The following FBXO42 variants were observed in gnomAD, a reference collection of about 807,000 sequenced individuals.
The protein encoded by FBXO42 is F-box only protein 42.
In FBXO42, 12 loss-of-function variants were observed where a neutral mutation model predicts 71.7. The ratio of observed to expected loss-of-function variants is 0.17; its 90% CI spans 0.11 to 0.27. The LOEUF is 0.27. Among genes scored for constraint, FBXO42 ranks in the 10% least tolerant of loss-of-function variants. The pLI is 1.00. For synonymous variants in FBXO42, 325 were observed against 327.5 expected, an observed-to-expected ratio of 0.99 and a Z score of 0.08; for missense variants, 707 against 911.9, an observed-to-expected ratio of 0.78 and a Z score of 2.89.
At chr1:16,331,337 C>T (rs1480335910) in intron 1 of FBXO42, among the ~76,000 whole-genome samples, 2 of 151,486 alleles carry the variant, frequency 1.3e-5, no homozygotes, top group Admixed American at 6.6e-5. Flanking sequence ...GGCGTGAACC[C>T]GGGGGAGGCA....
Position 16,271,992 on chromosome 1 carries a change from A to G in FBXO42, c.503-15233T>C, listed in dbSNP as rs1337070811. ...CGTTTCTACCAAAAAAAAAAAAAAGAAAACAATACAAAAATAGCTGGGCGT... is the reference window on the plus strand; with the variant it reads ...CGTTTCTACCAAAAAAAAAAAAAAGGAAACAATACAAAAATAGCTGGGCGT... On this transcript the variant is annotated intron_variant, in intron 4 of 9. Coordinates refer to ENST00000375592, the MANE Select transcript of FBXO42 (RefSeq NM_018994.3). Among the ~76,000 whole-genome samples, 38 of 150,070 alleles carry G rather than the reference A, an allele frequency of 2.5e-4. No homozygotes were observed. In the East Asian group the frequency reaches 7.5e-3, roughly 30 times the overall value.
At chr1:16,292,057 G>T (rs987699880) in intron 4 of FBXO42, among the ~76,000 whole-genome samples, 1 of 152,122 alleles carries the variant, frequency 6.6e-6, no homozygotes, top group Non-Finnish European at 1.5e-5. Flanking sequence ...GCCTCTAATT[G>T]CAGATTAGGA....
rs1004953806 is a variant in FBXO42 at position 16,301,689 on chromosome 1, A to C, written c.367+4114T>G. On this transcript the variant is annotated intron_variant, in intron 3 of 9. Coordinates refer to ENST00000375592, the MANE Select transcript of FBXO42 (RefSeq NM_018994.3). Reference sequence around the variant, plus strand: ...CCATCTCAAAAAAAAAAAAACAACAAAAAAAAAAGAAACGGTACAAGAATG... The same window carrying C: ...CCATCTCAAAAAAAAAAAAACAACACAAAAAAAAGAAACGGTACAAGAATG... Among the ~76,000 whole-genome samples, 13 of 148,406 alleles carry C rather than the reference A, an allele frequency of 8.8e-5. No individual in the cohort carries two copies. The East Asian group carries it at 1.4e-3, about 16-fold the overall frequency.
At position 16,287,254 on chromosome 1, in the gene FBXO42, C is replaced by T. The variant is rs567820735; in HGVS notation, c.502+7529G>A. On this transcript the variant is annotated intron_variant, in intron 4 of 9. Transcript: ENST00000375592. ...TATTCTCTGTTTGAAACATTCGTTTCTCAGATACCCACATGGCTCACTTCT... is the reference window on the plus strand; with the variant it reads ...TATTCTCTGTTTGAAACATTCGTTTTTCAGATACCCACATGGCTCACTTCT... Among the ~76,000 whole-genome samples, 5 of 152,340 alleles carry T rather than the reference C, an allele frequency of 3.3e-5. No individual in the cohort carries two copies. The South Asian group carries it at 8.3e-4, about 25-fold the overall frequency.
chr1:16,305,517 T>C (rs1463327151), intron 3 of FBXO42, among the ~76,000 whole-genome samples: 1 of 152,110 alleles, frequency 6.6e-6, no homozygotes, highest in Non-Finnish European at 1.5e-5. Context: ...AGTTCAAGAC[T>C]AGACTGGGCA....
chr1:16,266,633 T>C (rs970778055), intron 4 of FBXO42, among the ~76,000 whole-genome samples: 3 of 152,186 alleles, frequency 2.0e-5, no homozygotes, highest in African/African-American at 7.2e-5. Flanking sequence ...TTTGTGGTAG[T>C]GAGGAGCCTC....
chr1:16,302,383 G>A (rs547983692), intron 3 of FBXO42, among the ~76,000 whole-genome samples: 1 of 152,158 alleles, frequency 6.6e-6, no homozygotes, highest in South Asian at 2.1e-4. Context: ...AAAGGAAAGA[G>A]GTTTAACTGA....
At position 16,315,342 on chromosome 1, in the gene FBXO42, A is replaced by G; in HGVS notation, c.77T>C (p.Met26Thr). The change falls in exon 2 of 10, where the codon ATG becomes ACG. Residue 26 changes from methionine (M) to threonine (T), a missense_variant. Physicochemically the swap from Met to Thr is moderately conservative, Grantham distance 81. This residue lies in a region of FBXO42 where 188 missense variants were observed against 230.5 expected (regional missense o/e 0.82). Coordinates refer to ENST00000375592, the MANE Select transcript of FBXO42 (RefSeq NM_018994.3). ...DQEETVLEGTMDQDEEPHPVL... is the reference protein window; with the variant it reads ...DQEETVLEGTTDQDEEPHPVL... ...TGGGTGGGGCTCCTCATCTTGATCC[A>G]TTGTCCCTTCCAGCACAGTTTCTTC... 6.2e-7 allele frequency: 1 copy of G among 1,614,080 alleles called. No individual in the cohort carries two copies. Among genetic ancestry groups the G allele is most frequent in the South Asian group, 1.1e-5 (1 of 91,082 alleles).
intron 4 of FBXO42, 52 bp downstream of exon 4, chr1:16,294,731 T>A (rs972194834): frequency 6.3e-7 from 1 of 1,592,550 alleles, no homozygotes; most frequent in Non-Finnish European, 8.6e-7. Flanking sequence ...AGAGTTTCCA[T>A]GCCAAGGGAG....
In FBXO42 at chr1:16,296,661, A is replaced by C. The variant is rs979124238; in HGVS notation, c.368-1744T>G. Among the ~76,000 whole-genome samples, 13 of 151,754 alleles carry C rather than the reference A, an allele frequency of 8.6e-5. No individual in the cohort carries two copies. In the East Asian group the frequency reaches 1.5e-3, roughly 18 times the overall value. ...CAAGACTCCATCTCAAAAAAAAAAA[A>C]AAAAAAACAAAAACAAAAAACACCA... On this transcript the variant is annotated intron_variant, in intron 3 of 9. Coordinates refer to ENST00000375592, the MANE Select transcript of FBXO42 (RefSeq NM_018994.3).
chr1:16,344,323 ATTT>A (rs143852944), intron 1 of FBXO42, among the ~76,000 whole-genome samples: 40 of 138,008 alleles, frequency 2.9e-4, no homozygotes, highest in Admixed American at 3.7e-4. Context: ...AATATATATA[ATTT>A]TTTTTTTTTT....
intron 4 of FBXO42, among the ~76,000 whole-genome samples, chr1:16,282,574 G>A (rs2081976460): frequency 6.6e-6 from 1 of 151,796 alleles, no homozygotes; most frequent in Non-Finnish European, 1.5e-5. Context: ...ACCAGGTGCA[G>A]TGGCTCATGC....
At chr1:16,335,209 T>C (rs915348499) in intron 1 of FBXO42, among the ~76,000 whole-genome samples, 1 of 152,056 alleles carries the variant, frequency 6.6e-6, no homozygotes, top group Non-Finnish European at 1.5e-5. Flanking sequence ...GGGAGGACTG[T>C]TTGAGGCCAG....
At chr1:16,309,057 CTTTTTTTTTTTTTT>C (rs58594138) in intron 2 of FBXO42, among the ~76,000 whole-genome samples, 2 of 38,690 alleles carry the variant, frequency 5.2e-5, no homozygotes, top group Non-Finnish European at 8.5e-5. Context: ...GACCCCATCT[CTTTTTTTTTTTTTT>C]TTTTTTTTTT....
chr1:16,296,664 A>AAC (rs2082133595), intron 3 of FBXO42, among the ~76,000 whole-genome samples: 1 of 151,378 alleles, frequency 6.6e-6, no homozygotes, highest in African/African-American at 2.4e-5. Context: ...AAAAAAAAAA[A>AAC]AAAACAAAAA....
Position 16,253,152 on chromosome 1 carries a change from T to C in FBXO42, c.865A>G (p.Ile289Val). 6.2e-7 allele frequency: 1 copy of C among 1,612,930 alleles called. No individual in the cohort carries two copies. Among genetic ancestry groups the C allele is most frequent in the African/African-American group, 1.3e-5 (1 of 74,982 alleles). ...AAGATAGTTGCATCATCTATGACAATCTGAGGAGGGGAAGACATTGAAAAT... is the reference window on the plus strand; with the variant it reads ...AAGATAGTTGCATCATCTATGACAACCTGAGGAGGGGAAGACATTGAAAAT... ...SPHPRGGQSQ[I>V]VIDDATILIL... is the part of the protein sequence containing the mutation. The change falls in exon 8 of 10, where the codon ATT becomes GTT. Residue 289 changes from isoleucine to valine, a missense_variant and splice_region_variant. Ile to Val is a conservative substitution (Grantham distance 29). Transcript: ENST00000375592.
intron 1 of FBXO42, among the ~76,000 whole-genome samples, chr1:16,326,695 A>G (rs1009538256): frequency 1.3e-5 from 2 of 151,798 alleles, no homozygotes; most frequent in Non-Finnish European, 1.5e-5. Flanking sequence ...AAAAAAAAAA[A>G]AAAAAGAAAA....
At chr1:16,278,313 C>T (rs1427710767) in intron 4 of FBXO42, among the ~76,000 whole-genome samples, 5 of 151,190 alleles carry the variant, frequency 3.3e-5, no homozygotes, top group Admixed American at 6.6e-5. Flanking sequence ...CCGGAGATCA[C>T]GCCATTGCAC....
At chr1:16,265,984 T>G (rs913149331) in intron 4 of FBXO42, among the ~76,000 whole-genome samples, 1 of 152,148 alleles carries the variant, frequency 6.6e-6, no homozygotes, top group African/African-American at 2.4e-5. Flanking sequence ...CAAATAGAAC[T>G]GTTACTCTAG....
Sources: gnomAD v4.1 joint callset for allele counts (sites outside exome capture counted in the v4.1 genomes callset) on GRCh38, gnomAD v4.1.1 for gene constraint, gnomAD v4.1.1 regional missense constraint, MANE v1.5 for transcripts, NCBI Gene and HGNC (gene_info 2026-07-23, HGNC 2026-07-21) for gene names.